Variants in ERCC6L2 observed in about 807,000 individuals in gnomAD.
ERCC6L2 encodes the protein DNA excision repair protein ERCC-6-like 2.
Under a neutral mutation model 132.0 loss-of-function variants are expected in ERCC6L2, and 77 were observed. The ratio of observed to expected loss-of-function variants is 0.58; its 90% confidence interval spans 0.49 to 0.71. The LOEUF is 0.71. ERCC6L2 is among the 30% of genes least tolerant of loss of function. The probability of loss-of-function intolerance (pLI) is 0.00; values close to 1 mark genes in which losing one functional copy is unlikely to be tolerated. For synonymous variants in ERCC6L2, 583 were observed against 632.4 expected (o/e 0.92, Z 1.17); for missense variants, 1,542 against 1,837.6 (o/e 0.84, Z 2.94).
chr9:96,015,010 G>A lies in ERCC6L2; in HGVS notation c.*1807G>A, dbSNP rs1015680004. On this transcript the variant is annotated 3_prime_UTR_variant, in exon 19 of 19. Transcript: ENST00000653738. ...TATTAGCTCTATAGTCTTCATATAT[G>A]TACAGTTTTTTTTTTTTTTTTTTTT... 8.5e-6 allele frequency among the ~76,000 whole-genome samples: 1 copy of A among 118,170 alleles called. No individual in the cohort carries two copies. Among genetic ancestry groups the A allele is most frequent in the Non-Finnish European group, 1.7e-5 (1 of 59,392 alleles). The allele number at this position is 118,170 out of a possible 152,430, so 77.5% of individuals were successfully genotyped here.
At chr9:95,881,645 T>A (rs1474091852) in intron 2 of ERCC6L2, among the ~76,000 whole-genome samples, 1 of 152,248 alleles carries the variant, frequency 6.6e-6, no homozygotes, top group Non-Finnish European at 1.5e-5. Context: ...TTATGCCACA[T>A]AGCATGGTTA....
intron 13 of ERCC6L2, among the ~76,000 whole-genome samples, chr9:95,960,904 C>T (rs55881510): frequency 2.0e-5 from 3 of 152,018 alleles, no homozygotes; most frequent in African/African-American, 7.2e-5. Context: ...GATTCTAGCC[C>T]GGATGACTTC....
At chr9:95,938,754 G>A (rs1297553645) in intron 11 of ERCC6L2, among the ~76,000 whole-genome samples, 3 of 151,852 alleles carry the variant, frequency 2.0e-5, no homozygotes, top group Non-Finnish European at 2.9e-5. Context: ...AGAGCATATT[G>A]TTTTTTCAAA....
At chr9:96,023,812 G>C (rs1834327013) in intron 19 of ERCC6L2, among the ~76,000 whole-genome samples, 1 of 152,212 alleles carries the variant, frequency 6.6e-6, no homozygotes, top group Admixed American at 6.5e-5. Flanking sequence ...GAAATATACA[G>C]GGCTTGGATA....
rs1827444899 is a variant in ERCC6L2, at chr9:95,878,974, T to C, written c.47-1895T>C. Among the ~76,000 whole-genome samples the C allele has an allele frequency of 2.0e-5, 3 of 152,110 alleles. No individual in the cohort carries two copies. In the South Asian group the frequency reaches 6.2e-4, roughly 32 times the overall value. On this transcript the variant is annotated intron_variant, in intron 1 of 18. Coordinates refer to ENST00000653738, the MANE Select transcript of ERCC6L2 (RefSeq NM_020207.7). ...GTGCCGCAATAAACATACGTGTGCA[T>C]GTGTCTTTATAGCAGCATGATTTAT... is the stretch of plus-strand genomic sequence containing the variant.
In ERCC6L2 at chr9:95,928,710, C is replaced by G. The variant is rs373130194; in HGVS notation, c.1606-9C>G. 21 of 1,592,900 alleles carry G rather than the reference C, an allele frequency of 1.3e-5. No individual in the cohort carries two copies. The highest frequency in any genetic ancestry group is 1.7e-5 in the Non-Finnish European group (20 of 1,172,822). On this transcript the variant is annotated splice_polypyrimidine_tract_variant and intron_variant, in intron 10 of 18. Coordinates refer to ENST00000653738, the MANE Select transcript of ERCC6L2 (RefSeq NM_020207.7). ...TTCATGTTTGCCCATCTTCATACCT[C>G]TCGTCTAGTTGCTTGACGTGCTACA... is the stretch of plus-strand genomic sequence containing the variant.
intron 19 of ERCC6L2, among the ~76,000 whole-genome samples, chr9:96,023,864 G>A (rs552780036): frequency 2.6e-5 from 4 of 152,318 alleles, no homozygotes; most frequent in African/African-American, 7.2e-5. Context: ...CTGGGTTCTG[G>A]AACCGAGGAT....
At chr9:96,029,196 C>T (rs954620934) in intron 19 of ERCC6L2, among the ~76,000 whole-genome samples, 1 of 147,844 alleles carries the variant, frequency 6.8e-6, no homozygotes, top group South Asian at 2.2e-4. Context: ...CCCAGCTACT[C>T]GGGAGGCTAA....
intron 12 of ERCC6L2, among the ~76,000 whole-genome samples, chr9:95,945,077 T>TTATTA (rs1830990197): frequency 6.6e-6 from 1 of 152,194 alleles, no homozygotes; most frequent in African/African-American, 2.4e-5. Context: ...GGGAATTTCC[T>TTATTA]CGTCCTAATA....
intron 12 of ERCC6L2, among the ~76,000 whole-genome samples, chr9:95,947,258 C>A (rs144134340): frequency 1.3e-5 from 2 of 152,308 alleles, no homozygotes; most frequent in African/African-American, 4.8e-5. Context: ...AGCCTTATTG[C>A]TGATACGAAG....
intron 4 of ERCC6L2, among the ~76,000 whole-genome samples, chr9:95,911,636 G>A (rs1829344334): frequency 2.0e-5 from 3 of 152,104 alleles, no homozygotes; most frequent in Non-Finnish European, 4.4e-5. Context: ...CAAATATTAA[G>A]TTGTTTTTGT....
At chr9:96,028,696 G>A (rs1834413904) in intron 19 of ERCC6L2, among the ~76,000 whole-genome samples, 1 of 152,182 alleles carries the variant, frequency 6.6e-6, no homozygotes, top group African/African-American at 2.4e-5. Flanking sequence ...TCTGAGTCAG[G>A]TTGTCCAGAG....
intron 11 of ERCC6L2, among the ~76,000 whole-genome samples, chr9:95,936,527 CCA>C (rs927848064): frequency 2.6e-5 from 4 of 152,106 alleles, no homozygotes; most frequent in Non-Finnish European, 5.9e-5. Context: ...TGTGTTAAGG[CCA>C]TATGGATGTT....
At position 95,979,899 on chromosome 9, in the gene ERCC6L2, CTG is replaced by C. The variant is rs976490332; in HGVS notation, c.3492+1687_3492+1688del. Reference sequence around the variant, plus strand: ...ATTTTTTATTAGGTTTTTTTTTAAACTGTGCCCTTTTTTAAAACCATGTCCTT... The same window carrying C: ...ATTTTTTATTAGGTTTTTTTTTAAACTGCCCTTTTTTAAAACCATGTCCTT... On this transcript the variant is annotated intron_variant, in intron 17 of 18. Transcript: ENST00000653738. 1.1e-4 allele frequency among the ~76,000 whole-genome samples: 16 copies of C among 151,946 alleles called. 1 individual carries two copies. Among genetic ancestry groups the C allele is most frequent in the Admixed American group, 8.5e-4 (13 of 15,236 alleles).
At chr9:95,975,058 G>T (rs1445001350) in intron 16 of ERCC6L2, among the ~76,000 whole-genome samples, 1 of 152,042 alleles carries the variant, frequency 6.6e-6, no homozygotes, top group Non-Finnish European at 1.5e-5. Context: ...CCATTTGATT[G>T]CTGGTAACAT....
intron 17 of ERCC6L2, among the ~76,000 whole-genome samples, chr9:95,998,432 A>G (rs1833544477): frequency 6.6e-6 from 1 of 152,232 alleles, no homozygotes; most frequent in African/African-American, 2.4e-5. Context: ...TGACCTTGAG[A>G]TGGGTCAATT....
chr9:95,909,777 T>C (rs1829256751), intron 4 of ERCC6L2, among the ~76,000 whole-genome samples: 2 of 152,198 alleles, frequency 1.3e-5, no homozygotes, highest in Non-Finnish European at 2.9e-5. Flanking sequence ...ATGTAAGCCT[T>C]TTTTGGACAT....
At chr9:95,975,382 G>A (rs529466399) in intron 16 of ERCC6L2, among the ~76,000 whole-genome samples, 2 of 151,112 alleles carry the variant, frequency 1.3e-5, no homozygotes, top group East Asian at 3.9e-4. Context: ...TTTGCTGGAT[G>A]TAAAATACTT....
intron 13 of ERCC6L2, among the ~76,000 whole-genome samples, chr9:95,957,403 A>C (rs1212467801): frequency 7.3e-6 from 1 of 136,754 alleles, no homozygotes; most frequent in Non-Finnish European, 1.5e-5. Context: ...TGTAATAAAC[A>C]GTTCATTTTT....
Sources: gnomAD v4.1 joint callset for allele counts (sites outside exome capture counted in the v4.1 genomes callset) on GRCh38, gnomAD v4.1.1 for gene constraint, MANE v1.5 for transcripts, NCBI Gene and HGNC (gene_info 2026-07-23, HGNC 2026-07-21) for gene names.